The following CFLAR variants were observed in gnomAD, a reference collection of about 807,000 sequenced individuals.
CFLAR encodes the protein CASP8 and FADD like apoptosis regulator.
In CFLAR, 14 loss-of-function variants were observed where a neutral mutation model predicts 51.1. That is an observed-to-expected ratio of 0.27 (90% CI 0.18 to 0.43). CFLAR has a LOEUF of 0.43. CFLAR is among the 20% of genes least tolerant of loss of function. The pLI is 1.00. For missense variants in CFLAR, 390 were observed against 566.5 expected (o/e 0.69, Z 3.16); for synonymous variants, 210 against 211.6 (o/e 0.99, Z 0.06).
Position 201,171,129 on chromosome 2 carries a change from A to G in CFLAR, c.*7156A>G, listed in dbSNP as rs1386485104. 4.0e-5 allele frequency: 6 copies of G among 151,854 alleles called. No homozygotes were observed. The highest frequency in any genetic ancestry group is 2.6e-4 in the Admixed American group (4 of 15,248). 9.4% of individuals were successfully genotyped at this position (151,854 alleles called of 1,614,324 possible). ...GATGCAAAGGCATAAGAAGGATACA[A>G]TGGACTTTGGGGACTTAGGGGAAAG... On this transcript the variant is annotated 3_prime_UTR_variant, in exon 10 of 10. Transcript: ENST00000309955.
intron 1 of CFLAR, 105 bp from the exon 2 acceptor site, chr2:201,129,624 C>G (rs2049046555): frequency 2.0e-6 from 1 of 507,014 alleles, no homozygotes; most frequent in South Asian, 3.8e-5. Context: ...AGAACTTAAT[C>G]TACTTAAGTC....
chr2:201,166,426 G>A lies in CFLAR; in HGVS notation c.*2453G>A, dbSNP rs915134502. On this transcript the variant is annotated 3_prime_UTR_variant, in exon 10 of 10. Coordinates refer to ENST00000309955, the MANE Select transcript of CFLAR (RefSeq NM_003879.7). ...AGACGGGGCAGCTGCGGGCGGAGGGGCTCCTCACTTCTCAGACGGGGTGGC... is the reference window on the plus strand; with the variant it reads ...AGACGGGGCAGCTGCGGGCGGAGGGACTCCTCACTTCTCAGACGGGGTGGC... The A allele has an allele frequency of 6.4e-4, 105 of 163,164 alleles. 1 individual carries two copies. Among genetic ancestry groups the A allele is most frequent in the Middle Eastern group, 2.8e-3 (1 of 358 alleles). The allele number at this position is 163,164 out of a possible 1,614,324, so 10.1% of individuals were successfully genotyped here. A position where few individuals can be genotyped will look rare whatever the true frequency, so the allele number is the denominator to read the frequency against.
Position 201,129,843 on chromosome 2 carries a change from A to G in CFLAR, c.-23A>G. The G allele has an allele frequency of 1.9e-6, 3 of 1,610,006 alleles. No homozygotes were observed. The highest frequency in any genetic ancestry group is 2.5e-6 in the Non-Finnish European group (3 of 1,177,622). ...GGAGCTGTACTGCAAGACCCTTGTGAGCTTCCCTAGTCTAAGAGTAGGATG... is the reference window on the plus strand; with the variant it reads ...GGAGCTGTACTGCAAGACCCTTGTGGGCTTCCCTAGTCTAAGAGTAGGATG... On this transcript the variant is annotated 5_prime_UTR_variant, in exon 2 of 10. Transcript: ENST00000309955.
At position 201,118,350 on chromosome 2, in the gene CFLAR, G is replaced by A. The variant is rs1379640636; in HGVS notation, c.-138+1869G>A. On this transcript the variant is annotated intron_variant, in intron 1 of 9. Transcript: ENST00000309955. The surrounding 1 kb of genome is among the most constrained non-coding windows in gnomAD (Gnocchi z 5.1). The stretch of plus-strand genomic sequence containing the variant: ...CCCCCCGAAAGTCTTGCGCGACCCG[G>A]GGTGGGCCGGATAGTGTGCAGTTTT... 6.6e-6 allele frequency: 1 copy of A among 152,274 alleles called. No individual in the cohort carries two copies. The highest frequency in any genetic ancestry group is 2.4e-5 in the African/African-American group (1 of 41,456). 9.4% of individuals were successfully genotyped at this position (152,274 alleles called of 1,614,324 possible).
chr2:201,138,235 G>C lies in CFLAR; in HGVS notation c.524-2122G>C. 4.4e-6 allele frequency: 4 copies of C among 913,918 alleles called. No individual in the cohort carries two copies. The highest frequency in any genetic ancestry group is 7.3e-6 in the Non-Finnish European group (4 of 545,860). 56.6% of individuals were successfully genotyped at this position (913,918 alleles called of 1,614,324 possible). A position where few individuals can be genotyped will look rare whatever the true frequency, so the allele number is the denominator to read the frequency against. ...CGATCTGATACACCGAGTTCCCTTG[G>C]GACGAGTCCAAGCCTATGACATTGA... On this transcript the variant is annotated intron_variant, in intron 4 of 9. Coordinates refer to ENST00000309955, the MANE Select transcript of CFLAR (RefSeq NM_003879.7). This position sits in a 1 kb window ranked among gnomAD's most constrained non-coding sequence, Gnocchi z 4.0.
intron 9 of CFLAR, 143 bp downstream of exon 9, chr2:201,161,085 G>C (rs997392335): frequency 6.0e-5 from 37 of 620,342 alleles, no homozygotes; most frequent in Non-Finnish European, 4.3e-5. Context: ...CTTGCCCTAG[G>C]ACTACAGTAT....
Position 201,138,685 on chromosome 2 carries a change from G to T in CFLAR, c.524-1672G>T. On this transcript the variant is annotated intron_variant, in intron 4 of 9. Coordinates refer to ENST00000309955, the MANE Select transcript of CFLAR (RefSeq NM_003879.7). This position sits in a 1 kb window ranked among gnomAD's most constrained non-coding sequence, Gnocchi z 4.0. ...GCCTCCAACACATCACCCACAGTGT[G>T]CAAGGGGCTCAGCACCACGGGGTGT... The T allele has an allele frequency of 1.1e-6, 1 of 905,840 alleles. No homozygotes were observed. The highest frequency in any genetic ancestry group is 1.8e-6 in the Non-Finnish European group (1 of 546,868). 56.1% of individuals were successfully genotyped at this position (905,840 alleles called of 1,614,324 possible). A position where few individuals can be genotyped will look rare whatever the true frequency, so the allele number is the denominator to read the frequency against.
chr2:201,151,223 T>A (rs577451955), intron 8 of CFLAR: 33 of 152,326 alleles, frequency 2.2e-4, no homozygotes, highest in African/African-American at 7.7e-4. Context: ...TTTGCTCAGT[T>A]GTTGTTGGAT....
intron 8 of CFLAR, among the ~76,000 whole-genome samples, chr2:201,159,459 G>T (rs1459010191): frequency 6.6e-6 from 1 of 151,812 alleles, no homozygotes; most frequent in Non-Finnish European, 1.5e-5. Flanking sequence ...ACAGGTGCGT[G>T]CCACTACACC....
chr2:201,147,348 G>T (rs1040224149), intron 6 of CFLAR, among the ~76,000 whole-genome samples: 10 of 151,982 alleles, frequency 6.6e-5, no homozygotes, highest in African/African-American at 2.4e-4. Context: ...GGGCAACATG[G>T]TGAAACCCCG....
chr2:201,145,589 A>G (rs1262749700), intron 6 of CFLAR, 157 bp downstream of exon 6: 8 of 585,576 alleles, frequency 1.4e-5, no homozygotes, highest in Non-Finnish European at 2.4e-5. Context: ...ACTCATTGGC[A>G]TTTCTAGTTG....
intron 1 of CFLAR, among the ~76,000 whole-genome samples, chr2:201,119,414 C>T (rs1478146377): frequency 6.6e-6 from 1 of 152,142 alleles, no homozygotes; most frequent in East Asian, 1.9e-4. Flanking sequence ...AGCCTGTGGG[C>T]CATGGTGGGG....
In CFLAR at chr2:201,129,954, T is replaced by C. The variant is rs775453027; in HGVS notation, c.89T>C (p.Ile30Thr). The C allele has an allele frequency of 1.9e-6, 3 of 1,614,204 alleles. No homozygotes were observed. Among genetic ancestry groups the C allele is most frequent in the South Asian group, 2.2e-5 (2 of 91,088 alleles). Residue 30 changes from isoleucine to threonine, a missense_variant, in exon 2 of 10, where the codon ATA becomes ACA. Transcript: ENST00000309955. ...CTCTTTTTGTGCCGGGATGTTGCTA[T>C]AGATGTGGTTCCACCTAATGTCAGG... ...MLLFLCRDVAIDVVPPNVRDL... is the reference protein window; with the variant it reads ...MLLFLCRDVATDVVPPNVRDL...
rs902533689 is a variant in CFLAR, at chr2:201,174,267, A to G, written c.*10294A>G. On this transcript the variant is annotated 3_prime_UTR_variant, in exon 10 of 10. Coordinates refer to ENST00000309955, the MANE Select transcript of CFLAR (RefSeq NM_003879.7). ...TTTTATGATTTTAGCTCTTTGACCC[A>G]TTTTGAGTTATTTTTGTGTATGCAG... The G allele has an allele frequency of 1.3e-5, 2 of 152,132 alleles. No homozygotes were observed. Among genetic ancestry groups the G allele is most frequent in the Non-Finnish European group, 2.9e-5 (2 of 68,000 alleles). 9.4% of individuals were successfully genotyped at this position (152,132 alleles called of 1,614,324 possible).
chr2:201,130,217 C>A, intron 2 of CFLAR, 71 bp downstream of exon 2: 1 of 1,367,010 alleles, frequency 7.3e-7, no homozygotes, highest in Non-Finnish European at 9.7e-7. Context: ...TACTGAATGG[C>A]AGAAACGAGG....
chr2:201,145,296 T>G, intron 5 of CFLAR, 82 bp from the exon 6 acceptor site: 3 of 762,232 alleles, frequency 3.9e-6, no homozygotes, highest in Non-Finnish European at 6.7e-6. Flanking sequence ...AGAATCCTAT[T>G]GAGACATTTA....
chr2:201,138,073 T>C lies in CFLAR; in HGVS notation c.523+1966T>C. On this transcript the variant is annotated intron_variant, in intron 4 of 9. Transcript: ENST00000309955. The surrounding 1 kb of genome is among the most constrained non-coding windows in gnomAD (Gnocchi z 4.0). ...GCTATCACTTCCTGGTTGATGTAGA[T>C]GGAGCCGCGCAGTCCATGCCCCTGC... The C allele has an allele frequency of 4.1e-6, 3 of 729,836 alleles. No homozygotes were observed. The highest frequency in any genetic ancestry group is 5.1e-6 in the Non-Finnish European group (2 of 392,722). The allele number at this position is 729,836 out of a possible 1,614,324, so 45.2% of individuals were successfully genotyped here.
chr2:201,151,683 A>G (rs546756519), intron 8 of CFLAR, among the ~76,000 whole-genome samples: 1 of 152,080 alleles, frequency 6.6e-6, no homozygotes, highest in South Asian at 2.1e-4. Context: ...TGTTTCATTC[A>G]TCAGTAGATG....
At chr2:201,129,433 A>G (rs1255995579) in intron 1 of CFLAR, 1 of 260,338 alleles carries the variant, frequency 3.8e-6, no homozygotes, top group Non-Finnish European at 7.2e-6. Flanking sequence ...ATTTTCCCTG[A>G]ACATGCTTTA....
Sources: allele counts gnomAD v4.1 joint callset (sites outside exome capture counted in the v4.1 genomes callset), GRCh38; gene constraint gnomAD v4.1.1; non-coding constraint Gnocchi (gnomAD v3.1); transcripts MANE v1.5; gene names NCBI Gene and HGNC (gene_info 2026-07-23, HGNC 2026-07-21).